The following BIRC6 variants were observed in gnomAD, a reference collection of about 807,000 sequenced individuals.
BIRC6 encodes the protein dual E2 ubiquitin-conjugating enzyme/E3 ubiquitin-protein ligase BIRC6.
A neutral mutation model predicts 503.3 loss-of-function variants in BIRC6; 98 were observed. The ratio of observed to expected loss-of-function variants is 0.19; its 90% CI spans 0.17 to 0.23. The LOEUF (loss-of-function observed/expected upper bound fraction) is 0.23. Ranked by LOEUF, BIRC6 falls within the 10% of genes least tolerant of loss-of-function variation. The pLI is 1.00. For synonymous variants in BIRC6, 2,240 were observed against 2,078.7 expected, an observed-to-expected ratio of 1.08 and a Z score of -2.11; for missense variants, 5,360 against 5,806.0, an observed-to-expected ratio of 0.92 and a Z score of 2.50.
chr2:32,446,756 T>TG (rs2046001564), intron 21 of BIRC6, among the ~76,000 whole-genome samples: 1 of 138,082 alleles, frequency 7.2e-6, no homozygotes, highest in Non-Finnish European at 1.6e-5. Flanking sequence ...TTTTTTTTTT[T>TG]TTTTTTTTTT....
At position 32,406,936 on chromosome 2, in the gene BIRC6, A is replaced by G. The variant is rs74971431; in HGVS notation, c.1477+379A>G. Among the ~76,000 whole-genome samples, 917 of 152,324 alleles carry G rather than the reference A, an allele frequency of 6.0e-3. 17 individuals are homozygous for G. Among genetic ancestry groups the G allele is most frequent in the African/African-American group, 0.021 (893 of 41,566 alleles). ...CATTTTAATGTGTGAAATTATAGACATTAAAACATCAAGTAAATGCTGCCT... is the reference window on the plus strand; with the variant it reads ...CATTTTAATGTGTGAAATTATAGACGTTAAAACATCAAGTAAATGCTGCCT... On this transcript the variant is annotated intron_variant, in intron 9 of 73. Coordinates refer to ENST00000421745, the MANE Select transcript of BIRC6 (RefSeq NM_016252.4).
At chr2:32,474,196 C>CT (rs1011739483) in intron 33 of BIRC6, among the ~76,000 whole-genome samples, 6 of 151,478 alleles carry the variant, frequency 4.0e-5, no homozygotes, top group East Asian at 3.9e-4. Context: ...ATTTATGGGG[C>CT]TTTTTTTTAA....
At chr2:32,414,694 ATTTTACTTGTGTATTC>A in intron 9 of BIRC6, 59 bp from the exon 10 acceptor site, 3 of 1,025,560 alleles carry the variant, frequency 2.9e-6, no homozygotes, top group Non-Finnish European at 4.0e-6. Flanking sequence ...TAAATAAATA[ATTTTACTTGTGTATTC>A]ATAATGTGCT....
chr2:32,386,774 TTTC>T (rs1182527958), intron 3 of BIRC6, among the ~76,000 whole-genome samples: 1 of 152,208 alleles, frequency 6.6e-6, no homozygotes, highest in Non-Finnish European at 1.5e-5. Flanking sequence ...ATCTAAAAAA[TTTC>T]TTCAGGAATG....
chr2:32,568,805 T>C (rs1332838080), intron 65 of BIRC6, among the ~76,000 whole-genome samples: 4 of 150,216 alleles, frequency 2.7e-5, no homozygotes, highest in Non-Finnish European at 5.9e-5. Context: ...GATTATGTCA[T>C]AGCACTCCAG....
chr2:32,480,393 T>C (rs559416308), intron 37 of BIRC6, among the ~76,000 whole-genome samples: 5 of 152,232 alleles, frequency 3.3e-5, no homozygotes, highest in Admixed American at 3.3e-4. Context: ...TCTTAATTTA[T>C]TGGATTGGAG....
intron 45 of BIRC6, among the ~76,000 whole-genome samples, chr2:32,498,591 C>T (rs552310812): frequency 6.6e-6 from 1 of 151,658 alleles, no homozygotes; most frequent in South Asian, 2.1e-4. Flanking sequence ...TTTAGACAGT[C>T]TTTGTTTGTT....
chr2:32,372,286 T>C, intron 1 of BIRC6, among the ~76,000 whole-genome samples: 1 of 152,172 alleles, frequency 6.6e-6, no homozygotes, highest in East Asian at 1.9e-4. Context: ...GTGGTATCAC[T>C]TTGTAGTCAC....
intron 61 of BIRC6, among the ~76,000 whole-genome samples, chr2:32,542,735 T>C (rs947738899): frequency 6.6e-6 from 1 of 152,240 alleles, no homozygotes; most frequent in African/African-American, 2.4e-5. Context: ...TAATAACTAA[T>C]GTAGAGACAC....
chr2:32,439,953 A>G (rs1213145934), intron 16 of BIRC6, among the ~76,000 whole-genome samples: 1 of 152,048 alleles, frequency 6.6e-6, no homozygotes, highest in Non-Finnish European at 1.5e-5. Context: ...AACTCGGCTC[A>G]CTGCAACCTC....
intron 44 of BIRC6, among the ~76,000 whole-genome samples, 172 bp downstream of exon 44, chr2:32,491,730 TAGC>T (rs1457354683): frequency 3.9e-5 from 6 of 152,352 alleles, no homozygotes; most frequent in Admixed American, 2.0e-4. Context: ...CACTAAATAA[TAGC>T]AGGTGGTAAG....
At position 32,445,549 on chromosome 2, in the gene BIRC6, G is replaced by T; in HGVS notation, c.4365G>T (p.Leu1455=). Residue 1455 remains leucine (L), a synonymous_variant, in exon 21 of 74, where the codon CTG becomes CTT. Transcript: ENST00000421745. The stretch of plus-strand genomic sequence containing the variant: ...CTGTCTATTGGTATTTTGTCTTACT[G>T]AATTATGTGAAAGATGAAGATCTGG... ...GGSVYWYFVL[L]NYVKDEDLAG... is the part of the protein sequence containing the mutation. 1 of 1,597,874 alleles carries T rather than the reference G, an allele frequency of 6.3e-7. No individual in the cohort carries two copies. The highest frequency in any genetic ancestry group is 8.5e-7 in the Non-Finnish European group (1 of 1,172,488).
chr2:32,572,099 A>C (rs971558480), intron 65 of BIRC6, among the ~76,000 whole-genome samples: 1 of 152,048 alleles, frequency 6.6e-6, no homozygotes, highest in Admixed American at 6.6e-5. Context: ...ACTTGATATG[A>C]TTTCGATTTT....
Position 32,499,822 on chromosome 2 carries a change from G to C in BIRC6, c.8744G>C (p.Arg2915Thr). Residue 2915 changes from arginine (R) to threonine (T), a missense_variant, in exon 46 of 74, where the codon AGA becomes ACA. Arg to Thr is a moderately conservative substitution (Grantham distance 71). Around this residue, in one of 16 missense-constraint regions of BIRC6, gnomAD observed 2,299 missense variants for 2,267.2 expected, o/e 1.01. Coordinates refer to ENST00000421745, the MANE Select transcript of BIRC6 (RefSeq NM_016252.4). ...DAKAVCGEMT[R>T]DQLMFDLLKL... is the part of the protein sequence containing the mutation. Reference sequence around the variant, plus strand: ...AAAGCAGTTTGTGGCGAAATGACAAGAGATCAACTCATGTTTGATTTGTTA... The same window carrying C: ...AAAGCAGTTTGTGGCGAAATGACAACAGATCAACTCATGTTTGATTTGTTA... The C allele has an allele frequency of 6.2e-7, 1 of 1,614,014 alleles. No individual in the cohort carries two copies. Among genetic ancestry groups the C allele is most frequent in the Non-Finnish European group, 8.5e-7 (1 of 1,179,888 alleles).
At chr2:32,602,796 G>T in intron 70 of BIRC6, 1 of 462,562 alleles carries the variant, frequency 2.2e-6, no homozygotes, top group Non-Finnish European at 3.8e-6. Flanking sequence ...GGTCTGTTTT[G>T]CATTATGAAA....
chr2:32,583,393 C>T (rs1257559582), intron 66 of BIRC6, among the ~76,000 whole-genome samples: 1 of 152,118 alleles, frequency 6.6e-6, no homozygotes, highest in Non-Finnish European at 1.5e-5. Context: ...TTTGTAATAA[C>T]TGCATGGTGT....
intron 62 of BIRC6, among the ~76,000 whole-genome samples, chr2:32,545,402 C>T (rs1249843374): frequency 6.6e-6 from 1 of 152,148 alleles, no homozygotes; most frequent in Non-Finnish European, 1.5e-5. Flanking sequence ...TAGCTATGAT[C>T]ATACATATGT....
intron 10 of BIRC6, among the ~76,000 whole-genome samples, chr2:32,426,845 A>G (rs1019161223): frequency 2.6e-5 from 4 of 152,086 alleles, no homozygotes; most frequent in Non-Finnish European, 1.5e-5. Flanking sequence ...AAGTTCTCTC[A>G]GTCTTTGTTT....
At chr2:32,596,327 A>G (rs1277741034) in intron 68 of BIRC6, among the ~76,000 whole-genome samples, 1 of 151,950 alleles carries the variant, frequency 6.6e-6, no homozygotes, top group Non-Finnish European at 1.5e-5. Context: ...TAAAAATACA[A>G]AAATTAGCTG....
Sources: allele counts gnomAD v4.1 joint callset (sites outside exome capture counted in the v4.1 genomes callset), GRCh38; gene constraint gnomAD v4.1.1; regional missense constraint gnomAD v4.1.1; transcripts MANE v1.5; gene names NCBI Gene and HGNC (gene_info 2026-07-23, HGNC 2026-07-21).